The following KIF15 variants were observed in gnomAD, a reference collection of about 807,000 sequenced individuals.
The protein encoded by KIF15 is kinesin family member 15.
Under a neutral mutation model 190.6 loss-of-function variants are expected in KIF15, and 140 were observed. That is an observed-to-expected ratio of 0.73 (90% CI 0.64 to 0.84). KIF15 has a LOEUF of 0.84. KIF15 is among the 40% of genes least tolerant of loss of function. KIF15 has a pLI of 0.00. For synonymous variants in KIF15, 528 were observed against 551.3 expected (o/e 0.96, Z 0.59); for missense variants, 1,372 against 1,584.4 (o/e 0.87, Z 2.28).
downstream of KIF15, among the ~76,000 whole-genome samples, chr3:44,858,213 G>A (rs1699207335): frequency 6.6e-6 from 1 of 152,202 alleles, no homozygotes; most frequent in Admixed American, 6.5e-5. Flanking sequence ...GGACTAAAGA[G>A]TGTACAGGTT....
chr3:44,794,935 C>A (rs1475626166), intron 8 of KIF15, among the ~76,000 whole-genome samples: 1 of 152,018 alleles, frequency 6.6e-6, no homozygotes, highest in Non-Finnish European at 1.5e-5. Flanking sequence ...GCACGCCAGT[C>A]TGGGTGACAG....
chr3:44,840,490 G>C (rs1043238059), intron 28 of KIF15, 34 bp downstream of exon 28: 30 of 1,439,090 alleles, frequency 2.1e-5, no homozygotes, highest in Non-Finnish European at 2.9e-5. Flanking sequence ...TCAGGAGGAA[G>C]AAACAGTTTT....
At chr3:44,798,430 A>G (rs1309679290) in intron 10 of KIF15, among the ~76,000 whole-genome samples, 1 of 151,402 alleles carries the variant, frequency 6.6e-6, no homozygotes, top group African/African-American at 2.4e-5. Flanking sequence ...CAGTGGTGCG[A>G]TCTCTGCTCA....
At chr3:44,815,893 G>T (rs1191227207) in intron 20 of KIF15, among the ~76,000 whole-genome samples, 3 of 152,190 alleles carry the variant, frequency 2.0e-5, no homozygotes, top group Admixed American at 6.5e-5. Context: ...CTACTAGTAG[G>T]CAGCCTTGAG....
chr3:44,764,015 G>A (rs1344785635), intron 1 of KIF15, among the ~76,000 whole-genome samples: 2 of 152,168 alleles, frequency 1.3e-5, no homozygotes, highest in African/African-American at 2.4e-5. Flanking sequence ...ACCCAATCAT[G>A]TTTGGGCAAA....
rs766866271 is a variant in KIF15 at position 44,810,989 on chromosome 3, T to C, written c.2115T>C (p.Pro705=). ...ATATATTAAATGAGCCAGTTCCTCC[T>C]GAGATGAATGAACAAGCTTTTGAGG... The part of the protein sequence containing the change: ...DNDILNEPVP[P]EMNEQAFEAI... The change falls in exon 17 of 35, where the codon CCT becomes CCC. Residue 705 remains proline, a synonymous_variant. Transcript: ENST00000326047. 6.2e-7 allele frequency: 1 copy of C among 1,613,888 alleles called. No individual in the cohort carries two copies. The highest frequency in any genetic ancestry group is 2.2e-5 in the East Asian group (1 of 44,856).
At chr3:44,787,210 A>C (rs764423294) in intron 7 of KIF15, among the ~76,000 whole-genome samples, 13 of 152,184 alleles carry the variant, frequency 8.5e-5, no homozygotes, top group Non-Finnish European at 1.9e-4. Context: ...TGGTTCTTTA[A>C]ATATGCTATA....
Position 44,789,886 on chromosome 3 carries a change from C to T in KIF15, c.639+3312C>T, listed in dbSNP as rs993006105. On this transcript the variant is annotated intron_variant, in intron 7 of 34. Transcript: ENST00000326047. ...CATCACCAAACTTCTCAATAAGAAC[C>T]CAACACACTTCTAATATTAAACATT... Among the ~76,000 whole-genome samples, 8 of 151,536 alleles carry T rather than the reference C, an allele frequency of 5.3e-5. 1 individual carries two copies. Among genetic ancestry groups the T allele is most frequent in the African/African-American group, 1.9e-4 (8 of 41,252 alleles).
chr3:44,852,638 A>T (rs1559597741), intron 34 of KIF15, 35 bp from the exon 35 acceptor site: 2 of 1,483,338 alleles, frequency 1.3e-6, no homozygotes, highest in Non-Finnish European at 9.2e-7. Context: ...TTAGAGCCTT[A>T]TTTTTTTTCT....
intron 1 of KIF15, among the ~76,000 whole-genome samples, chr3:44,771,128 T>C (rs1705623561): frequency 1.3e-5 from 2 of 152,280 alleles, no homozygotes; most frequent in African/African-American, 2.4e-5. Flanking sequence ...AAGACAACAA[T>C]TGTCTGTGAA....
rs565448928 is a variant in KIF15 at position 44,775,570 on chromosome 3, C to T, written c.246+133C>T. The T allele has an allele frequency of 2.2e-3, 1,365 of 607,082 alleles. 4 individuals are homozygous for T. Among genetic ancestry groups the T allele is most frequent in the Non-Finnish European group, 3.3e-3 (1,169 of 355,828 alleles). 37.6% of individuals were successfully genotyped at this position (607,082 alleles called of 1,614,324 possible). ...TCCCGGGTTCAAGTGATTCTCCTGC[C>T]TCAGCCTCCCGAGTAGCTAGGACTA... On this transcript the variant is annotated intron_variant, in intron 3 of 34. Transcript: ENST00000326047.
intron 23 of KIF15, 72 bp from the exon 24 acceptor site, chr3:44,828,142 C>G: frequency 9.5e-7 from 1 of 1,054,778 alleles, no homozygotes; most frequent in South Asian, 1.3e-5. Context: ...CTGCTTTCAA[C>G]TTGTTTATCT....
intron 1 of KIF15, among the ~76,000 whole-genome samples, chr3:44,771,661 C>T (rs1705645525): frequency 6.6e-6 from 1 of 152,162 alleles, no homozygotes; most frequent in Non-Finnish European, 1.5e-5. Context: ...AATGATGACT[C>T]AGAAATTTTA....
intron 20 of KIF15, among the ~76,000 whole-genome samples, chr3:44,818,521 T>C (rs1214944937): frequency 6.6e-6 from 1 of 152,174 alleles, no homozygotes; most frequent in Non-Finnish European, 1.5e-5. Flanking sequence ...TTGTCATTGG[T>C]TCTGTTTATG....
intron 24 of KIF15, among the ~76,000 whole-genome samples, chr3:44,829,123 T>C (rs1023885146): frequency 1.3e-5 from 2 of 151,648 alleles, no homozygotes; most frequent in Non-Finnish European, 2.9e-5. Context: ...TTTGGGAGGC[T>C]GAGGCGGGTG....
intron 6 of KIF15, among the ~76,000 whole-genome samples, chr3:44,858,985 A>C (rs1699213967): frequency 6.6e-6 from 1 of 152,212 alleles, no homozygotes; most frequent in Non-Finnish European, 1.5e-5. Context: ...TCAGTCAGAG[A>C]GCCCCGGGCC....
At chr3:44,826,495 G>T in intron 22 of KIF15, 35 bp downstream of exon 22, 1 of 1,370,694 alleles carries the variant, frequency 7.3e-7, no homozygotes, top group Non-Finnish European at 1.0e-6. Context: ...TAGCATACTA[G>T]AATATTGTTT....
chr3:44,810,868 C>G lies in KIF15; in HGVS notation c.1994C>G (p.Ala665Gly), dbSNP rs1259364696. Residue 665 changes from alanine to glycine, a missense_variant, in exon 17 of 35, where the codon GCC (alanine) becomes GGC (glycine). Ala to Gly is a moderately conservative substitution (Grantham distance 60). Coordinates refer to ENST00000326047, the MANE Select transcript of KIF15 (RefSeq NM_020242.3). Reference protein sequence around the residue: ...TLKIITTPTKAYQLHSRPVPK... With the variant: ...TLKIITTPTKGYQLHSRPVPK... The stretch of plus-strand genomic sequence containing the variant: ...CAGATTATAACTACACCAACCAAGG[C>G]CTACCAACTTCATTCCCGACCAGTA... The G allele has an allele frequency of 1.2e-6, 2 of 1,613,474 alleles. 1 individual carries two copies. The highest frequency in any genetic ancestry group is 2.2e-5 in the South Asian group (2 of 90,872).
chr3:44,834,804 G>C (rs898663675), intron 26 of KIF15, among the ~76,000 whole-genome samples: 3 of 151,348 alleles, frequency 2.0e-5, no homozygotes, highest in Non-Finnish European at 4.4e-5. Flanking sequence ...GTGGTGGCAC[G>C]TGCCTATAGT....
Sources: allele counts gnomAD v4.1 joint callset (sites outside exome capture counted in the v4.1 genomes callset), GRCh38; gene constraint gnomAD v4.1.1; transcripts MANE v1.5; gene names NCBI Gene and HGNC (gene_info 2026-07-23, HGNC 2026-07-21).